Variants in GGNBP2 observed in about 807,000 individuals in gnomAD.
GGNBP2 encodes gametogenetin binding protein 2.
Under a neutral mutation model 85.9 loss-of-function variants are expected in GGNBP2, and 10 were observed. The ratio of observed to expected loss-of-function variants is 0.12; its 90% CI spans 0.07 to 0.20. The LOEUF (loss-of-function observed/expected upper bound fraction) is 0.20. Among genes scored for constraint, GGNBP2 ranks in the 10% least tolerant of loss-of-function variants. GGNBP2 has a pLI of 1.00. For missense variants in GGNBP2, 595 were observed against 857.8 expected (o/e 0.69, Z 3.83); for synonymous variants, 287 against 285.7 (o/e 1.00, Z -0.05).
chr17:36,546,252 C>T (rs916696151), intron 2 of GGNBP2: 3 of 309,280 alleles, frequency 9.7e-6, no homozygotes, highest in Non-Finnish European at 1.8e-5. Flanking sequence ...ACTGGTAGCT[C>T]TCACCACATA....
At position 36,566,672 on chromosome 17, in the gene GGNBP2, A is replaced by G. The variant is rs139732194; in HGVS notation, c.528-991A>G. ...TTCCAGCCTGAGTGACAGAGCGAGA[A>G]TCTGTCTCAAAAAAAAAAAAATTAC... On this transcript the variant is annotated intron_variant, in intron 5 of 13. Coordinates refer to ENST00000613102, the MANE Select transcript of GGNBP2 (RefSeq NM_024835.5). 2.4e-3 allele frequency among the ~76,000 whole-genome samples: 358 copies of G among 151,194 alleles called. 1 individual carries two copies. The highest frequency in any genetic ancestry group is 3.9e-3 in the Non-Finnish European group (267 of 67,854).
In GGNBP2 at chr17:36,554,800, C is replaced by T. The variant is rs371287129; in HGVS notation, c.94-20C>T. 111 of 1,478,840 alleles carry T rather than the reference C, an allele frequency of 7.5e-5. No individual in the cohort carries two copies. The highest frequency in any genetic ancestry group is 6.7e-5 in the Non-Finnish European group (71 of 1,056,720). 91.6% of individuals were successfully genotyped at this position (1,478,840 alleles called of 1,614,324 possible). A position where few individuals can be genotyped will look rare whatever the true frequency, so the allele number is the denominator to read the frequency against. ...TCAGAGGGGTAAAGTAATTGATTTCCGTTCTGTTTGCATTTTAAGATGGTG... is the reference window on the plus strand; with the variant it reads ...TCAGAGGGGTAAAGTAATTGATTTCTGTTCTGTTTGCATTTTAAGATGGTG... On this transcript the variant is annotated intron_variant, in intron 2 of 13. Transcript: ENST00000613102.
intron 12 of GGNBP2, chr17:36,586,519 G>C: frequency 3.0e-6 from 1 of 330,662 alleles, no homozygotes; most frequent in South Asian, 4.0e-5. Context: ...AATGTATATT[G>C]GCAGGTGTGG....
chr17:36,572,041 A>G (rs2074530522), intron 6 of GGNBP2, among the ~76,000 whole-genome samples: 2 of 151,216 alleles, frequency 1.3e-5, no homozygotes, highest in South Asian at 4.2e-4. Flanking sequence ...ACAGAGTGAG[A>G]CTCTGTCTCG....
chr17:36,562,252 T>C (rs7217095), intron 5 of GGNBP2, among the ~76,000 whole-genome samples: 58,090 of 151,924 alleles, frequency 0.38, 11,525 homozygotes, highest in Middle Eastern at 0.47. Context: ...ATGCAACCTC[T>C]GCCTCTTGGG....
intron 5 of GGNBP2, among the ~76,000 whole-genome samples, chr17:36,562,810 T>C (rs990606271): frequency 1.1e-4 from 16 of 150,244 alleles, no homozygotes; most frequent in African/African-American, 3.7e-4. Flanking sequence ...ACTAAAAATA[T>C]AAAAATTAGC....
At chr17:36,574,432 T>G in intron 6 of GGNBP2, 1 of 190,460 alleles carries the variant, frequency 5.3e-6, no homozygotes. Flanking sequence ...CAGGCTTAAT[T>G]CACTTTATTT....
At chr17:36,588,027 C>T (rs1028101745) in intron 13 of GGNBP2, among the ~76,000 whole-genome samples, 2 of 152,168 alleles carry the variant, frequency 1.3e-5, no homozygotes, top group African/African-American at 4.8e-5. Context: ...TTCTGATTGG[C>T]AAGTTATGGT....
At chr17:36,550,131 C>T (rs192176877) in intron 2 of GGNBP2, among the ~76,000 whole-genome samples, 94 of 151,768 alleles carry the variant, frequency 6.2e-4, no homozygotes, top group African/African-American at 2.2e-3. Context: ...AGAGACGAGG[C>T]GTCACCATTT....
chr17:36,579,221 G>C (rs751811968), intron 7 of GGNBP2, 24 bp from the exon 8 acceptor site: 25 of 1,600,940 alleles, frequency 1.6e-5, no homozygotes, highest in Non-Finnish European at 2.1e-5. Flanking sequence ...AAAGGTATTA[G>C]TGTGTGATTA....
rs187960396 is a variant in GGNBP2 at position 36,589,734 on chromosome 17, G to A, written c.*323G>A. Reference sequence around the variant, plus strand: ...TAATTCTGTACAGAAATGACAATGAGCTGAATATATGGTTTTACAAAGTAG... The same window carrying A: ...TAATTCTGTACAGAAATGACAATGAACTGAATATATGGTTTTACAAAGTAG... On this transcript the variant is annotated 3_prime_UTR_variant, in exon 14 of 14. Coordinates refer to ENST00000613102, the MANE Select transcript of GGNBP2 (RefSeq NM_024835.5). The A allele has an allele frequency of 1.6e-4, 48 of 302,482 alleles. No homozygotes were observed. The highest frequency in any genetic ancestry group is 9.7e-4 in the African/African-American group (45 of 46,628). 18.7% of individuals were successfully genotyped at this position (302,482 alleles called of 1,614,324 possible). A position where few individuals can be genotyped will look rare whatever the true frequency, so the allele number is the denominator to read the frequency against.
chr17:36,583,701 A>G (rs2074673920), intron 9 of GGNBP2, among the ~76,000 whole-genome samples: 1 of 151,192 alleles, frequency 6.6e-6, no homozygotes, highest in South Asian at 2.1e-4. Context: ...GAGCTTAGGC[A>G]GTCTGCCCGC....
chr17:36,548,479 G>A (rs2074274910), intron 2 of GGNBP2, among the ~76,000 whole-genome samples: 1 of 151,598 alleles, frequency 6.6e-6, no homozygotes, highest in African/African-American at 2.4e-5. Flanking sequence ...GCCAGACATA[G>A]TGGTGGGTGC....
chr17:36,560,686 G>T, intron 4 of GGNBP2, 87 bp from the exon 5 acceptor site: 2 of 755,158 alleles, frequency 2.6e-6, no homozygotes, highest in Non-Finnish European at 4.2e-6. Context: ...TTTGTTTTGA[G>T]ACTTCTCTCT....
At chr17:36,551,437 C>G (rs2074307749) in intron 2 of GGNBP2, among the ~76,000 whole-genome samples, 1 of 152,078 alleles carries the variant, frequency 6.6e-6, no homozygotes, top group South Asian at 2.1e-4. Flanking sequence ...CTCACGACCT[C>G]AGGTGATCCA....
intron 7 of GGNBP2, chr17:36,579,042 A>G (rs1599543565): frequency 5.7e-6 from 3 of 529,362 alleles, no homozygotes; most frequent in East Asian, 6.1e-5. Flanking sequence ...TAGCAATACG[A>G]GGACTAAATT....
intron 9 of GGNBP2, among the ~76,000 whole-genome samples, chr17:36,584,631 C>T (rs1446862245): frequency 2.0e-5 from 3 of 152,236 alleles, no homozygotes; most frequent in African/African-American, 4.8e-5. Flanking sequence ...AGCCACTGCA[C>T]CTGGCCCCAC....
At chr17:36,550,126 C>T (rs1354735745) in intron 2 of GGNBP2, among the ~76,000 whole-genome samples, 2 of 151,748 alleles carry the variant, frequency 1.3e-5, no homozygotes, top group Admixed American at 6.6e-5. Flanking sequence ...TTAGTAGAGA[C>T]GAGGCGTCAC....
chr17:36,581,312 A>G (rs1010616928), intron 8 of GGNBP2, 32 bp from the exon 9 acceptor site: 1 of 1,412,392 alleles, frequency 7.1e-7, no homozygotes, highest in Non-Finnish European at 9.7e-7. Context: ...AGTTCTGACC[A>G]ATATTCACCC....
Sources: gnomAD v4.1 joint callset for allele counts (sites outside exome capture counted in the v4.1 genomes callset) on GRCh38, gnomAD v4.1.1 for gene constraint, MANE v1.5 for transcripts, NCBI Gene and HGNC (gene_info 2026-07-23, HGNC 2026-07-21) for gene names.